The following CDIN1 variants were observed in gnomAD, a reference collection of about 807,000 sequenced individuals.
The protein encoded by CDIN1 is CDAN1-interacting nuclease 1.
Under a neutral mutation model 45.3 loss-of-function variants are expected in CDIN1, and 33 were observed. The observed-to-expected ratio is 0.73, with a 90% CI of 0.55 to 0.97. The LOEUF is 0.97. CDIN1 is among the 50% of genes least tolerant of loss of function. The pLI, the probability that CDIN1 is intolerant of heterozygous loss-of-function variation, is 0.00. For synonymous variants in CDIN1, 118 were observed against 124.4 expected, an observed-to-expected ratio of 0.95 and a Z score of 0.34; for missense variants, 303 against 339.4, an observed-to-expected ratio of 0.89 and a Z score of 0.84.
intron 5 of CDIN1, among the ~76,000 whole-genome samples, chr15:36,676,878 A>G (rs1204846266): frequency 6.6e-6 from 1 of 152,128 alleles, no homozygotes; most frequent in Admixed American, 6.6e-5. Context: ...ATACCATGGA[A>G]TCTCTTACCG....
At chr15:36,666,199 G>GAC (rs1181724682) in intron 5 of CDIN1, among the ~76,000 whole-genome samples, 2 of 152,036 alleles carry the variant, frequency 1.3e-5, no homozygotes, top group Admixed American at 1.3e-4. Flanking sequence ...GAGCCTATCA[G>GAC]ACACAAAGCC....
intron 1 of CDIN1, chr15:36,618,761 CAAAAA>C (rs34933565): frequency 1.0e-3 from 627 of 611,878 alleles, no homozygotes; most frequent in South Asian, 1.7e-3. Flanking sequence ...ACAACTCAGC[CAAAAA>C]AAAAAAAAAA....
chr15:36,785,101 G>T (rs1242570709), intron 10 of CDIN1, among the ~76,000 whole-genome samples: 1 of 152,172 alleles, frequency 6.6e-6, no homozygotes, highest in African/African-American at 2.4e-5. Flanking sequence ...AAGGGCCTCT[G>T]TGGTTCTTAC....
intron 1 of CDIN1, among the ~76,000 whole-genome samples, chr15:36,625,174 G>T (rs1214074216): frequency 5.3e-5 from 8 of 151,956 alleles, no homozygotes; most frequent in Non-Finnish European, 8.8e-5. Context: ...CCAGCTACTT[G>T]GGAGGCTGAG....
intron 10 of CDIN1, among the ~76,000 whole-genome samples, chr15:36,735,082 A>G (rs2043968969): frequency 6.6e-6 from 1 of 152,202 alleles, no homozygotes; most frequent in African/African-American, 2.4e-5. Flanking sequence ...TTTGTTCCTA[A>G]ATAGTCATTC....
chr15:36,647,891 G>A (rs1437186011), intron 3 of CDIN1, among the ~76,000 whole-genome samples: 2 of 148,080 alleles, frequency 1.4e-5, no homozygotes. Flanking sequence ...CCAGGCTGGA[G>A]CACAGTGACG....
intron 10 of CDIN1, among the ~76,000 whole-genome samples, chr15:36,713,961 G>A (rs1452520208): frequency 6.6e-6 from 1 of 152,090 alleles, no homozygotes; most frequent in African/African-American, 2.4e-5. Flanking sequence ...TCCATCTTTG[G>A]TTGTCCAGAA....
At chr15:36,722,202 A>G (rs529525391) in intron 10 of CDIN1, among the ~76,000 whole-genome samples, 69 of 152,170 alleles carry the variant, frequency 4.5e-4, no homozygotes, top group African/African-American at 1.6e-3. Context: ...TAACCTTGTA[A>G]TCTTAACCTT....
chr15:36,712,308 C>T (rs750333282), intron 10 of CDIN1, among the ~76,000 whole-genome samples: 29 of 130,298 alleles, frequency 2.2e-4, no homozygotes, highest in Non-Finnish European at 4.4e-4. Flanking sequence ...CTCTGTCATC[C>T]AGGGTGGAGT....
At chr15:36,718,812 C>CTTTTTTTTTTTTT (rs3045909) in intron 10 of CDIN1, among the ~76,000 whole-genome samples, 6 of 96,650 alleles carry the variant, frequency 6.2e-5, no homozygotes, top group Non-Finnish European at 7.8e-5. Context: ...AATTTGTATG[C>CTTTTTTTTTTTTT]TTTTTTTTTT....
At chr15:36,789,360 A>G (rs2054586743) in intron 10 of CDIN1, among the ~76,000 whole-genome samples, 1 of 152,258 alleles carries the variant, frequency 6.6e-6, no homozygotes. Context: ...AAATATAGAA[A>G]CATTTTAAAT....
At chr15:36,752,572 T>C (rs1428403657) in intron 10 of CDIN1, among the ~76,000 whole-genome samples, 16 of 152,248 alleles carry the variant, frequency 1.1e-4, no homozygotes, top group Non-Finnish European at 1.5e-5. Flanking sequence ...AGCAGTCTGC[T>C]AAGTGATCCC....
At chr15:36,735,878 C>T (rs2043999910) in intron 10 of CDIN1, among the ~76,000 whole-genome samples, 1 of 152,058 alleles carries the variant, frequency 6.6e-6, no homozygotes, top group Non-Finnish European at 1.5e-5. Context: ...GCTAATCATG[C>T]AGTTCAATCC....
chr15:36,665,522 A>G (rs1347253775), intron 5 of CDIN1, among the ~76,000 whole-genome samples: 1 of 152,210 alleles, frequency 6.6e-6, no homozygotes, highest in Non-Finnish European at 1.5e-5. Flanking sequence ...AAATATATGA[A>G]AAGCAAACTG....
intron 5 of CDIN1, among the ~76,000 whole-genome samples, chr15:36,670,568 T>C (rs1055392322): frequency 1.3e-5 from 2 of 152,122 alleles, no homozygotes; most frequent in African/African-American, 4.8e-5. Flanking sequence ...GAATTCCTTT[T>C]AAAACCAGAC....
At chr15:36,760,817 C>G (rs2053740755) in intron 10 of CDIN1, among the ~76,000 whole-genome samples, 1 of 152,132 alleles carries the variant, frequency 6.6e-6, no homozygotes, top group Non-Finnish European at 1.5e-5. Context: ...AATAGACTTT[C>G]CAAGTCAAAG....
At chr15:36,796,875 A>T (rs1309596055) in intron 10 of CDIN1, among the ~76,000 whole-genome samples, 1 of 152,216 alleles carries the variant, frequency 6.6e-6, no homozygotes, top group Admixed American at 6.5e-5. Context: ...TATAAAGTTG[A>T]CCTTTGAAGT....
At chr15:36,704,662 C>T (rs2042796841) in intron 8 of CDIN1, 1 of 151,002 alleles carries the variant, frequency 6.6e-6, no homozygotes, top group African/African-American at 2.4e-5. Context: ...TTTTGCCCTC[C>T]CCCAATTTAG....
At chr15:36,685,291 G>C (rs1478742593) in intron 5 of CDIN1, among the ~76,000 whole-genome samples, 1 of 151,788 alleles carries the variant, frequency 6.6e-6, no homozygotes, top group Non-Finnish European at 1.5e-5. Flanking sequence ...CTTTGTTCTC[G>C]TTGGTTTCAA....
Sources: gnomAD v4.1 joint callset for allele counts (sites outside exome capture counted in the v4.1 genomes callset) on GRCh38, gnomAD v4.1.1 for gene constraint, MANE v1.5 for transcripts, NCBI Gene and HGNC (gene_info 2026-07-23, HGNC 2026-07-21) for gene names.